SBF2: variants seen among roughly 807,000 people sequenced by gnomAD.
SBF2 encodes the protein myotubularin-related protein 13.
SBF2 carries 112 observed loss-of-function variants against 225.2 expected under a neutral mutation model. That is an observed-to-expected ratio of 0.50 (90% CI 0.43 to 0.58). SBF2 has a LOEUF of 0.58. Among genes scored for constraint, SBF2 ranks in the 20% least tolerant of loss-of-function variants. The pLI is 0.00. For missense variants in SBF2, 1,996 were observed against 2,206.2 expected, an observed-to-expected ratio of 0.90 and a Z score of 1.91; for synonymous variants, 763 against 773.3, an observed-to-expected ratio of 0.99 and a Z score of 0.22.
intron 6 of SBF2, among the ~76,000 whole-genome samples, chr11:10,019,433 A>G (rs925438530): frequency 2.6e-5 from 4 of 152,246 alleles, no homozygotes; most frequent in Admixed American, 2.0e-4. Flanking sequence ...TCAAAAAATA[A>G]TTAATCATAG....
intron 17 of SBF2, among the ~76,000 whole-genome samples, chr11:9,866,877 A>G (rs1420959660): frequency 6.6e-6 from 1 of 152,222 alleles, no homozygotes; most frequent in Admixed American, 6.5e-5. Context: ...GAATGCAAGC[A>G]ACTCAATAGC....
chr11:10,080,339 A>G (rs1951317686), intron 2 of SBF2, among the ~76,000 whole-genome samples: 1 of 151,986 alleles, frequency 6.6e-6, no homozygotes, highest in Non-Finnish European at 1.5e-5. Context: ...AGACAAGGAA[A>G]TGCTGATGGA....
chr11:10,181,034 T>C (rs1210399742), intron 2 of SBF2, among the ~76,000 whole-genome samples: 2 of 152,138 alleles, frequency 1.3e-5, no homozygotes, highest in African/African-American at 2.4e-5. Context: ...CACCGAGTAC[T>C]CATGTCATTA....
intron 2 of SBF2, among the ~76,000 whole-genome samples, chr11:10,131,302 T>C (rs1230403981): frequency 1.3e-5 from 2 of 152,012 alleles, no homozygotes; most frequent in African/African-American, 2.4e-5. Flanking sequence ...CACGGCTCAC[T>C]GCAGCCTTGA....
chr11:9,851,075 G>C (rs1204085449), intron 21 of SBF2, among the ~76,000 whole-genome samples: 1 of 146,716 alleles, frequency 6.8e-6, no homozygotes, highest in Admixed American at 7.1e-5. Context: ...GGGGGAGGTT[G>C]CAGTGAGCCG....
intron 2 of SBF2, among the ~76,000 whole-genome samples, chr11:10,183,055 G>A (rs1459902531): frequency 6.6e-6 from 1 of 152,182 alleles, no homozygotes; most frequent in Non-Finnish European, 1.5e-5. Flanking sequence ...ACAGGCGTGA[G>A]CCACTGTGCC....
intron 2 of SBF2, among the ~76,000 whole-genome samples, chr11:10,136,102 A>G (rs1954338334): frequency 6.6e-6 from 1 of 152,202 alleles, no homozygotes; most frequent in East Asian, 1.9e-4. Flanking sequence ...CAACAAGAGA[A>G]GACAACTTGT....
At chr11:9,923,573 G>A (rs1226475956) in intron 16 of SBF2, among the ~76,000 whole-genome samples, 4 of 152,188 alleles carry the variant, frequency 2.6e-5, no homozygotes. Flanking sequence ...AGAATGAAAA[G>A]CTATTTACAA....
At chr11:10,014,406 C>T (rs895866792) in intron 6 of SBF2, among the ~76,000 whole-genome samples, 4 of 148,860 alleles carry the variant, frequency 2.7e-5, no homozygotes, top group African/African-American at 9.9e-5. Context: ...CCTTCTTCCA[C>T]TGAGAATGCT....
chr11:9,899,816 T>C (rs780504907), intron 16 of SBF2, among the ~76,000 whole-genome samples: 19 of 152,106 alleles, frequency 1.2e-4, no homozygotes, highest in Non-Finnish European at 2.5e-4. Flanking sequence ...AGATCCCTGA[T>C]GATATCATCA....
rs567503952 is a variant in SBF2, at chr11:10,300,934, C to G, written n.386+3558G>C. Among the ~76,000 whole-genome samples, 577 of 152,070 alleles carry G rather than the reference C, an allele frequency of 3.8e-3. 3 individuals are homozygous for G. The highest frequency in any genetic ancestry group is 5.4e-3 in the South Asian group (26 of 4,832). On this transcript the variant is annotated intron_variant and non_coding_transcript_variant, in intron 1 of 5. Transcript: ENST00000685217. ...AAAGTGCTAGGATTACAGGCACGAG[C>G]CACTGTACTGGACCATCTCTTCTCT...
intron 2 of SBF2, among the ~76,000 whole-genome samples, chr11:10,121,691 AC>A (rs1297669480): frequency 1.3e-5 from 2 of 152,246 alleles, no homozygotes; most frequent in Non-Finnish European, 2.9e-5. Flanking sequence ...TTACTTGGGA[AC>A]CTGTAGAATA....
chr11:10,217,907 T>C (rs1227123086), intron 1 of SBF2, among the ~76,000 whole-genome samples: 1 of 151,974 alleles, frequency 6.6e-6, no homozygotes, highest in Non-Finnish European at 1.5e-5. Flanking sequence ...TCACATCTTT[T>C]TTTCTTCTTT....
chr11:10,224,016 A>G (rs1157254717), intron 1 of SBF2, among the ~76,000 whole-genome samples: 1 of 152,152 alleles, frequency 6.6e-6, no homozygotes, highest in African/African-American at 2.4e-5. Context: ...TGTATAGTCT[A>G]CAGTGTTTGT....
upstream of SBF2, among the ~76,000 whole-genome samples, chr11:10,295,781 C>A (rs1465674061): frequency 1.3e-5 from 2 of 152,032 alleles, no homozygotes; most frequent in Non-Finnish European, 2.9e-5. Context: ...ACTGTAACTT[C>A]CCCTGATTCT....
rs1455157322 is a variant in SBF2, at chr11:9,781,631, T to G, written c.5327A>C (p.Tyr1776Ser). The G allele has an allele frequency of 1.2e-6, 2 of 1,614,210 alleles. No individual in the cohort carries two copies. The highest frequency in any genetic ancestry group is 2.2e-5 in the South Asian group (2 of 91,084). ...GCTTGTGTCCTCACCTGAGTCATAG[T>G]AGCGCAGCTGGAACCAAAAGGATAC... Reference protein sequence around the residue: ...VLDVTKHQLRYYDSGEDTSCK... With the variant: ...VLDVTKHQLRSYDSGEDTSCK... Residue 1776 changes from tyrosine (Y) to serine (S), a missense_variant, in exon 39 of 40, where the codon TAC (tyrosine) becomes TCC (serine). Transcript: ENST00000256190.
At chr11:10,229,245 T>C (rs1958717840) in intron 1 of SBF2, among the ~76,000 whole-genome samples, 1 of 152,184 alleles carries the variant, frequency 6.6e-6, no homozygotes, top group Admixed American at 6.5e-5. Flanking sequence ...CTATCAATTT[T>C]GTTGATCTTT....
intron 2 of SBF2, among the ~76,000 whole-genome samples, chr11:10,055,573 C>CA (rs1950228383): frequency 7.8e-6 from 1 of 128,608 alleles, no homozygotes; most frequent in Non-Finnish European, 1.7e-5. Context: ...ACACACACAC[C>CA]ATGGAATACT....
chr11:9,998,323 A>G lies in SBF2; in HGVS notation c.918T>C (p.Ile306=). Residue 306 remains isoleucine, a synonymous_variant, in exon 9 of 40, where the codon ATT becomes ATC. Transcript: ENST00000256190. ...GTGGTTCTGGGAGGGAAGAGAGGTG[A>G]ATACATTCGGGAATTTTAATAGTGC... is the stretch of plus-strand genomic sequence containing the variant. The part of the protein sequence containing the change: ...DGGTIKIPEC[I]HLSSLPEPLL... 1 of 1,610,242 alleles carries G rather than the reference A, an allele frequency of 6.2e-7. No individual in the cohort carries two copies. Among genetic ancestry groups the G allele is most frequent in the Non-Finnish European group, 8.5e-7 (1 of 1,176,694 alleles).
Sources: allele counts gnomAD v4.1 joint callset (sites outside exome capture counted in the v4.1 genomes callset), GRCh38; gene constraint gnomAD v4.1.1; transcripts MANE v1.5; gene names NCBI Gene and HGNC (gene_info 2026-07-23, HGNC 2026-07-21).